The following ANK3 variants were observed in gnomAD, a reference collection of about 807,000 sequenced individuals.
The protein encoded by ANK3 is ankyrin-3.
In ANK3, 57 loss-of-function variants were observed where a neutral mutation model predicts 370.9. The observed-to-expected ratio is 0.15, with a 90% CI of 0.12 to 0.19. ANK3 has a LOEUF of 0.19. Ranked by LOEUF, ANK3 falls within the 10% of genes least tolerant of loss-of-function variation. ANK3 has a pLI of 1.00. For missense variants in ANK3, 4,439 were observed against 5,302.1 expected, an observed-to-expected ratio of 0.84 and a Z score of 5.06; for synonymous variants, 1,929 against 1,946.3, an observed-to-expected ratio of 0.99 and a Z score of 0.23.
chr10:60,393,333 A>G (rs905804490), upstream of ANK3, among the ~76,000 whole-genome samples: 17 of 152,168 alleles, frequency 1.1e-4, no homozygotes, highest in African/African-American at 3.6e-4. Flanking sequence ...TTGTTACTAG[A>G]AGTTATGTCA....
rs2079523174 is a variant in ANK3 at position 60,699,880 on chromosome 10, T to TCA, written c.57+33381_57+33382dup. On this transcript the variant is annotated intron_variant, in intron 1 of 43. Transcript: ENST00000373827. ...TTAACATAAACAGGAAATCACATCA[T>TCA]CAACAACTGTTTAAATTCGTGATAC... Among the ~76,000 whole-genome samples, 3 of 152,314 alleles carry TCA rather than the reference T, an allele frequency of 2.0e-5. No homozygotes were observed. The South Asian group carries it at 6.2e-4, about 32-fold the overall frequency.
chr10:60,136,157 C>T (rs776285438), intron 24 of ANK3, among the ~76,000 whole-genome samples: 2 of 151,836 alleles, frequency 1.3e-5, no homozygotes, highest in Non-Finnish European at 2.9e-5. Context: ...CTTACCTTCT[C>T]TCAAATACAG....
chr10:60,389,344 T>A, intron 1 of ANK3, 81 bp downstream of exon 1: 2 of 1,354,436 alleles, frequency 1.5e-6, no homozygotes, highest in Admixed American at 1.9e-5. Flanking sequence ...AAAATAACCC[T>A]TAATGCTTCT....
chr10:60,569,382 A>G (rs544919108), intron 2 of ANK3, among the ~76,000 whole-genome samples: 15 of 152,326 alleles, frequency 9.8e-5, no homozygotes, highest in Non-Finnish European at 1.9e-4. Context: ...ATAGAAAAAG[A>G]GAGTTTGATT....
At chr10:60,278,963 G>A (rs779366817) in intron 3 of ANK3, 87 bp downstream of exon 3, 13 of 1,548,382 alleles carry the variant, frequency 8.4e-6, no homozygotes, top group East Asian at 2.2e-5. Flanking sequence ...AATATCTTAT[G>A]AGATATGTGC....
intron 24 of ANK3, among the ~76,000 whole-genome samples, chr10:60,134,722 T>G (rs1474144579): frequency 6.6e-6 from 1 of 152,228 alleles, no homozygotes; most frequent in African/African-American, 2.4e-5. Flanking sequence ...TATGTTAGAA[T>G]GTCTCCTCTT....
chr10:60,569,941 C>A (rs1015886895), intron 2 of ANK3, among the ~76,000 whole-genome samples: 12 of 152,108 alleles, frequency 7.9e-5, no homozygotes, highest in African/African-American at 2.7e-4. Context: ...TGACCACACC[C>A]TCCCCTGCTT....
chr10:60,158,685 CTT>C (rs141741941), intron 23 of ANK3, among the ~76,000 whole-genome samples: 5 of 132,710 alleles, frequency 3.8e-5, no homozygotes, highest in African/African-American at 1.5e-4. Context: ...CACTTTTTTT[CTT>C]TTTTTTGAGA....
chr10:60,195,139 G>C (rs1443585508), intron 16 of ANK3, among the ~76,000 whole-genome samples: 3 of 152,078 alleles, frequency 2.0e-5, no homozygotes, highest in Non-Finnish European at 4.4e-5. Context: ...TGTAATTCCA[G>C]CACTTTGGGA....
intron 29 of ANK3, among the ~76,000 whole-genome samples, chr10:60,087,119 T>C (rs971629360): frequency 6.6e-6 from 1 of 151,370 alleles, no homozygotes; most frequent in Non-Finnish European, 1.5e-5. Flanking sequence ...AGAACACAAA[T>C]AGCACTGGCT....
chr10:60,733,518 C>G, upstream of ANK3: 1 of 419,320 alleles, frequency 2.4e-6, no homozygotes, highest in East Asian at 3.8e-5. Flanking sequence ...GGTGCCCGCG[C>G]GGGCCGGTGC....
intron 2 of ANK3, among the ~76,000 whole-genome samples, chr10:60,499,678 G>T (rs2075748598): frequency 6.6e-6 from 1 of 152,250 alleles, no homozygotes; most frequent in South Asian, 2.1e-4. Context: ...ACACTGACAG[G>T]ATCAGAATGC....
intron 28 of ANK3, among the ~76,000 whole-genome samples, chr10:60,105,029 A>G (rs1055253991): frequency 6.6e-6 from 1 of 152,196 alleles, no homozygotes; most frequent in African/African-American, 2.4e-5. Context: ...TGCTGAGTGC[A>G]TTCCAAAAGT....
At chr10:60,571,046 A>G (rs1191821241) in intron 2 of ANK3, among the ~76,000 whole-genome samples, 1 of 139,926 alleles carries the variant, frequency 7.1e-6, no homozygotes, top group Non-Finnish European at 1.5e-5. Context: ...ACATGAGCAA[A>G]CCTGACAGGT....
intron 1 of ANK3, among the ~76,000 whole-genome samples, chr10:60,724,799 C>T (rs1448126201): frequency 3.3e-5 from 5 of 152,120 alleles, no homozygotes; most frequent in African/African-American, 1.2e-4. Context: ...ACATCCATTC[C>T]ATATAATGAT....
upstream of ANK3, among the ~76,000 whole-genome samples, chr10:60,392,383 T>C (rs1288222679): frequency 1.3e-5 from 2 of 152,050 alleles, no homozygotes; most frequent in African/African-American, 4.8e-5. Context: ...TATGAATCTT[T>C]AAAGTACAAC....
intron 23 of ANK3, among the ~76,000 whole-genome samples, chr10:60,156,429 C>T (rs546720521): frequency 4.6e-5 from 7 of 152,258 alleles, no homozygotes; most frequent in African/African-American, 9.6e-5. Flanking sequence ...TAAACATCAG[C>T]GACAGCCAGG....
intron 2 of ANK3, among the ~76,000 whole-genome samples, chr10:60,537,540 C>T (rs1208683729): frequency 1.3e-5 from 2 of 151,922 alleles, no homozygotes; most frequent in African/African-American, 4.8e-5. Context: ...TTCAGAGTCA[C>T]TCTTAGTATA....
chr10:60,061,363 G>A (rs2080423200), intron 40 of ANK3, among the ~76,000 whole-genome samples: 1 of 152,146 alleles, frequency 6.6e-6, no homozygotes, highest in Non-Finnish European at 1.5e-5. Context: ...ATTTTTGACT[G>A]TATTTTAAGG....
Sources: gnomAD v4.1 joint callset for allele counts (sites outside exome capture counted in the v4.1 genomes callset) on GRCh38, gnomAD v4.1.1 for gene constraint, MANE v1.5 for transcripts, NCBI Gene and HGNC (gene_info 2026-07-23, HGNC 2026-07-21) for gene names.